ADAM22: variants seen among roughly 807,000 people sequenced by gnomAD.
ADAM22 encodes ADAM metallopeptidase domain 22, also known as disintegrin and metalloproteinase domain-containing protein 22.
Under a neutral mutation model 144.6 loss-of-function variants are expected in ADAM22, and 65 were observed. That is an observed-to-expected ratio of 0.45 (90% CI 0.37 to 0.55). The LOEUF (loss-of-function observed/expected upper bound fraction) is 0.55, where lower values mean the gene tolerates loss of function less well. Ranked by LOEUF, ADAM22 falls within the 20% of genes least tolerant of loss-of-function variation. ADAM22 has a pLI of 0.00. For synonymous variants in ADAM22, 391 were observed against 412.6 expected (o/e 0.95, Z 0.63); for missense variants, 974 against 1,184.9 (o/e 0.82, Z 2.61).
chr7:88,167,296 C>T (rs1458772105), intron 24 of ADAM22, among the ~76,000 whole-genome samples: 1 of 152,154 alleles, frequency 6.6e-6, no homozygotes, highest in Non-Finnish European at 1.5e-5. Flanking sequence ...TTCAGATCAG[C>T]CTTTTCTGCC....
At chr7:88,071,875 C>T (rs983862501) in intron 3 of ADAM22, among the ~76,000 whole-genome samples, 1 of 151,980 alleles carries the variant, frequency 6.6e-6, no homozygotes, top group African/African-American at 2.4e-5. Flanking sequence ...TATAAAATTT[C>T]CTTTATGTTA....
In ADAM22 at chr7:88,114,479, G is replaced by A. The variant is rs555107295; in HGVS notation, c.474-105G>A. 2.6e-5 allele frequency: 25 copies of A among 951,314 alleles called. No homozygotes were observed. The East Asian group carries it at 5.9e-4, about 22-fold the overall frequency. The allele number at this position is 951,314 out of a possible 1,614,324, so 58.9% of individuals were successfully genotyped here. ...GGTGATGGATGGGACTGGGAAATGG[G>A]CATTGAGAAGCAAATGGGCCCTCTG... On this transcript the variant is annotated intron_variant, in intron 5 of 31. Coordinates refer to ENST00000413139, the MANE Select transcript of ADAM22 (RefSeq NM_001324418.2).
intron 3 of ADAM22, among the ~76,000 whole-genome samples, chr7:88,044,637 A>C (rs185896987): frequency 6.6e-6 from 1 of 151,556 alleles, no homozygotes; most frequent in Non-Finnish European, 1.5e-5. Context: ...TAGTAGAGAC[A>C]GGGTTTCATT....
intron 31 of ADAM22, among the ~76,000 whole-genome samples, chr7:88,194,069 C>T (rs936400138): frequency 6.6e-6 from 1 of 152,180 alleles, no homozygotes; most frequent in Non-Finnish European, 1.5e-5. Flanking sequence ...ACTCAGCTTT[C>T]TGAATTAACA....
chr7:88,140,308 C>T (rs530634312), intron 14 of ADAM22, among the ~76,000 whole-genome samples: 1 of 152,148 alleles, frequency 6.6e-6, no homozygotes, highest in African/African-American at 2.4e-5. Context: ...TGCTTCTCAG[C>T]TGAGCACTTA....
intron 2 of ADAM22, among the ~76,000 whole-genome samples, chr7:87,944,293 G>A (rs1326118647): frequency 6.6e-6 from 1 of 151,486 alleles, no homozygotes; most frequent in African/African-American, 2.4e-5. Flanking sequence ...ACAATTTGCT[G>A]GTACACACAA....
intron 4 of ADAM22, among the ~76,000 whole-genome samples, chr7:88,082,348 A>T (rs1446428647): frequency 1.3e-5 from 2 of 152,244 alleles, no homozygotes; most frequent in East Asian, 3.8e-4. Flanking sequence ...AAGATGGATT[A>T]AAGACTTAAA....
chr7:88,091,410 C>T (rs1819808700), intron 4 of ADAM22, among the ~76,000 whole-genome samples: 1 of 152,018 alleles, frequency 6.6e-6, no homozygotes, highest in East Asian at 1.9e-4. Flanking sequence ...ACTTTAACAC[C>T]AGGGATTTCC....
In ADAM22 at chr7:88,130,471, C is replaced by T; in HGVS notation, c.825+12C>T. The T allele has an allele frequency of 6.2e-7, 1 of 1,608,320 alleles. No individual in the cohort carries two copies. Among genetic ancestry groups the T allele is most frequent in the African/African-American group, 1.3e-5 (1 of 74,834 alleles). ...ACATGGCAGATTTAGTAAGTATCAA[C>T]CCCGTTCATTATTGCCCTAGAAGAT... On this transcript the variant is annotated intron_variant, in intron 10 of 31. Coordinates refer to ENST00000413139, the MANE Select transcript of ADAM22 (RefSeq NM_001324418.2).
At chr7:88,111,782 A>G (rs1826108885) in intron 5 of ADAM22, among the ~76,000 whole-genome samples, 1 of 152,198 alleles carries the variant, frequency 6.6e-6, no homozygotes, top group Non-Finnish European at 1.5e-5. Flanking sequence ...TTCTCAAAGC[A>G]TATAAAACAC....
chr7:87,982,700 A>ATATATATATATATATATATATATATATT (rs1853955774), intron 3 of ADAM22, among the ~76,000 whole-genome samples: 1 of 56,080 alleles, frequency 1.8e-5, no homozygotes, highest in Non-Finnish European at 3.0e-5. Flanking sequence ...TATATATATA[A>ATATATATATATATATATATATATATATT]TTTTTTTTTT....
At chr7:88,029,585 T>G (rs1799771140) in intron 3 of ADAM22, among the ~76,000 whole-genome samples, 1 of 152,098 alleles carries the variant, frequency 6.6e-6, no homozygotes, top group Non-Finnish European at 1.5e-5. Flanking sequence ...CTTCAGATGA[T>G]TTTTTGCTGC....
At chr7:88,165,051 CAAGACAGAA>C (rs1292773508) in intron 23 of ADAM22, among the ~76,000 whole-genome samples, 2 of 152,032 alleles carry the variant, frequency 1.3e-5, no homozygotes, top group Non-Finnish European at 2.9e-5. Context: ...TTAGATCAGA[CAAGACAGAA>C]ACCCCTGTAG....
chr7:88,042,010 G>A (rs761302084), intron 3 of ADAM22, among the ~76,000 whole-genome samples: 31 of 152,026 alleles, frequency 2.0e-4, no homozygotes, highest in Non-Finnish European at 4.6e-4. Flanking sequence ...TGTAAATATA[G>A]AGATTTGTTG....
intron 2 of ADAM22, among the ~76,000 whole-genome samples, chr7:87,952,092 G>A (rs915347480): frequency 6.6e-6 from 1 of 151,480 alleles, no homozygotes; most frequent in African/African-American, 2.4e-5. Context: ...TGCAAACAGG[G>A]ACAATTTGAC....
chr7:88,011,658 A>C (rs1156648249), intron 3 of ADAM22, among the ~76,000 whole-genome samples: 7 of 152,078 alleles, frequency 4.6e-5, no homozygotes, highest in Admixed American at 4.6e-4. Flanking sequence ...AGGGAAGATG[A>C]GTGGTGAACC....
intron 2 of ADAM22, among the ~76,000 whole-genome samples, chr7:87,961,494 A>G (rs1847988694): frequency 6.6e-6 from 1 of 152,232 alleles, no homozygotes; most frequent in Admixed American, 6.5e-5. Context: ...CTATAATCCC[A>G]CAATGTAATG....
intron 2 of ADAM22, among the ~76,000 whole-genome samples, chr7:87,954,408 C>T (rs1397574745): frequency 6.6e-6 from 1 of 152,070 alleles, no homozygotes; most frequent in Non-Finnish European, 1.5e-5. Flanking sequence ...ATGAAGCTTA[C>T]TTTGGCTGGA....
chr7:88,092,151 A>T (rs1187744373), intron 4 of ADAM22, among the ~76,000 whole-genome samples: 1 of 152,144 alleles, frequency 6.6e-6, no homozygotes, highest in Non-Finnish European at 1.5e-5. Flanking sequence ...CTATGTGTAA[A>T]TTTATCTGCA....
Sources: allele counts gnomAD v4.1 joint callset (sites outside exome capture counted in the v4.1 genomes callset), GRCh38; gene constraint gnomAD v4.1.1; transcripts MANE v1.5; gene names NCBI Gene and HGNC (gene_info 2026-07-23, HGNC 2026-07-21).